Variants in PPARGC1A observed in about 807,000 individuals in gnomAD.
PPARGC1A encodes peroxisome proliferator-activated receptor gamma coactivator 1-alpha.
A neutral mutation model predicts 88.7 loss-of-function variants in PPARGC1A; 25 were observed. That is an observed-to-expected ratio of 0.28 (90% CI 0.21 to 0.39). The LOEUF is 0.39. Ranked by LOEUF, PPARGC1A falls within the 10% of genes least tolerant of loss-of-function variation. The probability of loss-of-function intolerance (pLI) is 1.00; values close to 1 mark genes in which losing one functional copy is unlikely to be tolerated. For missense variants in PPARGC1A, 880 were observed against 968.7 expected (o/e 0.91, Z 1.22); for synonymous variants, 363 against 355.6 (o/e 1.02, Z -0.24).
the PPARGC1A span, among the ~76,000 whole-genome samples, chr4:24,120,808 T>G: frequency 6.6e-6 from 1 of 152,134 alleles, no homozygotes. Flanking sequence ...AGCTAGAAAG[T>G]GGTCCCTCAC....
At chr4:24,188,683 G>A in the PPARGC1A span, among the ~76,000 whole-genome samples, 43 of 152,194 alleles carry the variant, frequency 2.8e-4, no homozygotes, top group Admixed American at 8.5e-4. Flanking sequence ...TGAAACCCTC[G>A]TGCACAGTTG....
the PPARGC1A span, among the ~76,000 whole-genome samples, chr4:24,344,046 T>C: frequency 6.6e-5 from 10 of 152,126 alleles, no homozygotes; most frequent in Non-Finnish European, 8.8e-5. Flanking sequence ...TCCAATCTCA[T>C]CCAGGTCGCT....
At chr4:24,123,926 C>CA in the PPARGC1A span, among the ~76,000 whole-genome samples, 26 of 120,630 alleles carry the variant, frequency 2.2e-4, no homozygotes, top group East Asian at 1.6e-3. Context: ...AAAAAAAAAA[C>CA]AAAAAAAACA....
At chr4:23,864,837 C>A (rs1429376324) in intron 2 of PPARGC1A, among the ~76,000 whole-genome samples, 1 of 152,148 alleles carries the variant, frequency 6.6e-6, no homozygotes, top group Non-Finnish European at 1.5e-5. Flanking sequence ...CACCAAAGAC[C>A]TCATTGACAG....
chr4:24,010,373 T>C, the PPARGC1A span, among the ~76,000 whole-genome samples: 2 of 152,152 alleles, frequency 1.3e-5, no homozygotes, highest in African/African-American at 4.8e-5. Context: ...AATTCAGAAA[T>C]ACCCAGAAAT....
the PPARGC1A span, among the ~76,000 whole-genome samples, chr4:24,339,223 T>TACACACACAC: frequency 5.5e-4 from 40 of 72,404 alleles, no homozygotes; most frequent in Non-Finnish European, 1.0e-3. Flanking sequence ...TATATATATA[T>TACACACACAC]ATATATATAT....
chr4:24,208,682 A>AAAAAATAT, the PPARGC1A span, among the ~76,000 whole-genome samples: 49 of 134,980 alleles, frequency 3.6e-4, no homozygotes, highest in African/African-American at 1.3e-3. Flanking sequence ...TCAGAAAAAA[A>AAAAAATAT]ATATATATAT....
chr4:24,100,011 T>C, the PPARGC1A span, among the ~76,000 whole-genome samples: 1 of 149,800 alleles, frequency 6.7e-6, no homozygotes, highest in Non-Finnish European at 1.5e-5. Flanking sequence ...CTAGGAGATA[T>C]ACCTAATGTA....
chr4:23,920,948 T>C, the PPARGC1A span, among the ~76,000 whole-genome samples: 3 of 151,868 alleles, frequency 2.0e-5, no homozygotes, highest in African/African-American at 7.2e-5. Flanking sequence ...GGACCCAGCC[T>C]GGGCTTGCCC....
At chr4:24,232,842 A>T in the PPARGC1A span, among the ~76,000 whole-genome samples, 1 of 152,212 alleles carries the variant, frequency 6.6e-6, no homozygotes, top group Non-Finnish European at 1.5e-5. Flanking sequence ...TTCTATTTAG[A>T]AGTAGTAACA....
the PPARGC1A span, among the ~76,000 whole-genome samples, chr4:24,426,161 G>C: frequency 2.0e-5 from 3 of 152,292 alleles, no homozygotes; most frequent in East Asian, 5.8e-4. Context: ...GAAGAAGGTA[G>C]AGAGGTAAAG....
At chr4:24,129,694 A>T in the PPARGC1A span, among the ~76,000 whole-genome samples, 1,957 of 152,300 alleles carry the variant, frequency 0.013, 49 homozygotes, top group African/African-American at 0.044. Flanking sequence ...ACACATGCAC[A>T]CATAATGTTT....
At chr4:23,868,327 A>ACTAATGG (rs1553897453) in intron 2 of PPARGC1A, among the ~76,000 whole-genome samples, 1 of 151,974 alleles carries the variant, frequency 6.6e-6, no homozygotes, top group Non-Finnish European at 1.5e-5. Context: ...TACTGCTGTC[A>ACTAATGG]CTATTGGCTC....
chr4:24,017,724 G>GT, the PPARGC1A span, among the ~76,000 whole-genome samples: 1 of 152,086 alleles, frequency 6.6e-6, no homozygotes, highest in African/African-American at 2.4e-5. Context: ...ACTTTATGAT[G>GT]TTCAACTTTT....
At chr4:24,118,031 G>A in the PPARGC1A span, among the ~76,000 whole-genome samples, 24 of 152,144 alleles carry the variant, frequency 1.6e-4, 1 homozygote, top group South Asian at 4.6e-3. Flanking sequence ...GGCTTCTCTC[G>A]CTGTAACTCA....
the PPARGC1A span, among the ~76,000 whole-genome samples, chr4:24,019,987 A>C: frequency 6.6e-5 from 10 of 152,222 alleles, no homozygotes; most frequent in African/African-American, 9.6e-5. Flanking sequence ...GCTAATCAGC[A>C]CACTCATAGA....
chr4:24,298,439 T>C, the PPARGC1A span, among the ~76,000 whole-genome samples: 1 of 152,154 alleles, frequency 6.6e-6, no homozygotes, highest in Non-Finnish European at 1.5e-5. Context: ...AAAGTGTTAA[T>C]CAATGTGAAC....
the PPARGC1A span, among the ~76,000 whole-genome samples, chr4:24,028,317 T>C: frequency 2.6e-5 from 4 of 152,178 alleles, no homozygotes; most frequent in African/African-American, 4.8e-5. Context: ...TTGAGACACA[T>C]TGACATGTGG....
the PPARGC1A span, among the ~76,000 whole-genome samples, chr4:24,373,878 T>C: frequency 6.6e-6 from 1 of 152,170 alleles, no homozygotes; most frequent in African/African-American, 2.4e-5. Flanking sequence ...AACCTGGCAA[T>C]TGCTATGTGA....
Sources: allele counts gnomAD v4.1 joint callset (sites outside exome capture counted in the v4.1 genomes callset), GRCh38; gene constraint gnomAD v4.1.1; transcripts MANE v1.5; gene names NCBI Gene and HGNC (gene_info 2026-07-23, HGNC 2026-07-21).